The following ZFHX3 variants were observed in gnomAD, a reference collection of about 807,000 sequenced individuals.
The protein encoded by ZFHX3 is zinc finger homeobox protein 3.
Under a neutral mutation model 279.1 loss-of-function variants are expected in ZFHX3, and 42 were observed. That is an observed-to-expected ratio of 0.15 (90% confidence interval 0.12 to 0.19). The LOEUF (loss-of-function observed/expected upper bound fraction) is 0.19. Among genes scored for constraint, ZFHX3 ranks in the 10% least tolerant of loss-of-function variants. The pLI, the probability that ZFHX3 is intolerant of heterozygous loss-of-function variation, is 1.00. For synonymous variants in ZFHX3, 2,293 were observed against 1,957.8 expected (o/e 1.17, Z -4.52); for missense variants, 4,981 against 4,754.0 (o/e 1.05, Z -1.40).
At chr16:73,632,794 T>G (rs1003094421) in intron 2 of ZFHX3, among the ~76,000 whole-genome samples, 1 of 150,260 alleles carries the variant, frequency 6.7e-6, no homozygotes, top group Admixed American at 6.6e-5. Context: ...CTGACAGCTG[T>G]GGCTGGGAAC....
chr16:73,849,425 G>A (rs187038168), intron 1 of ZFHX3, among the ~76,000 whole-genome samples: 84 of 152,146 alleles, frequency 5.5e-4, no homozygotes, highest in Non-Finnish European at 1.0e-3. Context: ...GTTCTCTCCC[G>A]CTTTGCATAC....
At chr16:73,784,559 CA>C (rs1453248988) in intron 1 of ZFHX3, among the ~76,000 whole-genome samples, 3 of 151,702 alleles carry the variant, frequency 2.0e-5, no homozygotes, top group African/African-American at 7.3e-5. Flanking sequence ...CAATCCTGGC[CA>C]ACATGGTGAA....
At chr16:73,058,478 G>A (rs1965617564) in intron 1 of ZFHX3, 1 of 176,666 alleles carries the variant, frequency 5.7e-6, no homozygotes, top group Non-Finnish European at 1.1e-5. Context: ...AGGAGGAGGA[G>A]CAGGCGGCGG....
chr16:72,918,467 CA>C (rs2039498891), intron 3 of ZFHX3, among the ~76,000 whole-genome samples: 1 of 152,108 alleles, frequency 6.6e-6, no homozygotes, highest in Non-Finnish European at 1.5e-5. Context: ...TAAAAAGTCA[CA>C]AAAACCAGTA....
chr16:73,636,518 T>C (rs749531822), intron 2 of ZFHX3, among the ~76,000 whole-genome samples: 4 of 152,062 alleles, frequency 2.6e-5, no homozygotes, highest in Non-Finnish European at 5.9e-5. Context: ...CATCACAAAA[T>C]GAACTGAAAA....
At chr16:73,005,903 C>A (rs1323072002) in intron 1 of ZFHX3, 1 of 152,220 alleles carries the variant, frequency 6.6e-6, no homozygotes, top group Non-Finnish European at 1.5e-5. Flanking sequence ...TTACCAGACA[C>A]ATTTCTATTT....
intron 2 of ZFHX3, among the ~76,000 whole-genome samples, chr16:73,462,748 C>T (rs111981861): frequency 6.6e-6 from 1 of 152,146 alleles, no homozygotes; most frequent in Non-Finnish European, 1.5e-5. Context: ...ACCAGTCTTA[C>T]ATCCCTATAA....
intron 4 of ZFHX3, among the ~76,000 whole-genome samples, chr16:73,296,067 C>T (rs1281659181): frequency 1.7e-5 from 2 of 117,176 alleles, no homozygotes; most frequent in Non-Finnish European, 3.5e-5. Context: ...TCATTACAAT[C>T]CCGTGTGTGT....
At chr16:73,717,694 T>C (rs887018348) in intron 1 of ZFHX3, among the ~76,000 whole-genome samples, 1 of 152,160 alleles carries the variant, frequency 6.6e-6, no homozygotes, top group African/African-American at 2.4e-5. Flanking sequence ...TCCCCCCAGT[T>C]CCTAAACGCA....
chr16:72,944,658 T>A lies in ZFHX3; in HGVS notation c.3216+5811A>T, dbSNP rs184310170. Among the ~76,000 whole-genome samples the A allele has an allele frequency of 2.0e-5, 3 of 152,272 alleles. No individual in the cohort carries two copies. The East Asian group carries it at 5.8e-4, about 29-fold the overall frequency. ...TTTTTTATTCCTGGATTTTTCCAAA[T>A]TTTTTTACAGTGAACATGCATTACT... On this transcript the variant is annotated intron_variant, in intron 3 of 9. Transcript: ENST00000268489.
rs1333861964 is a variant in ZFHX3, at chr16:72,787,040, T to G, written c.*124A>C. 357 of 167,578 alleles carry G rather than the reference T, an allele frequency of 2.1e-3. No homozygotes were observed. The highest frequency in any genetic ancestry group is 0.013 in the Middle Eastern group (5 of 374). The allele number at this position is 167,578 out of a possible 1,614,324, so 10.4% of individuals were successfully genotyped here. A position where few individuals can be genotyped will look rare whatever the true frequency, so the allele number is the denominator to read the frequency against. ...CAACCCACGCTTTTTCTTTTTTTTC[T>G]TTTTTTTTTTTTTTTTGTTTTTTGG... On this transcript the variant is annotated 3_prime_UTR_variant, in exon 10 of 10. Transcript: ENST00000268489.
At chr16:73,314,933 G>A (rs2015407596) in intron 4 of ZFHX3, among the ~76,000 whole-genome samples, 1 of 152,190 alleles carries the variant, frequency 6.6e-6, no homozygotes, top group African/African-American at 2.4e-5. Flanking sequence ...TACAGAATAT[G>A]TAAAATAATT....
chr16:73,500,107 C>G (rs1363057652), intron 2 of ZFHX3: 1 of 152,194 alleles, frequency 6.6e-6, no homozygotes, highest in African/African-American at 2.4e-5. Flanking sequence ...AAAAATTTAA[C>G]TGTACAACAG....
In ZFHX3 at chr16:72,849,860, C is replaced by CAAAAAAAAAAAA. The variant is rs542156633; in HGVS notation, c.3449-20013_3449-20002dup. On this transcript the variant is annotated intron_variant, in intron 4 of 9. Transcript: ENST00000268489. Reference sequence around the variant, plus strand: ...TCTCTGCCACTTGGAGTTCACCTACCAAAAAAAAAAAAAAAAAAAAAAAAA... The same window carrying CAAAAAAAAAAAA: ...TCTCTGCCACTTGGAGTTCACCTACCAAAAAAAAAAAAAAAAAAAAAAAAAAAAAAAAAAAAA... 1.2e-4 allele frequency among the ~76,000 whole-genome samples: 7 copies of CAAAAAAAAAAAA among 56,564 alleles called. 1 individual carries two copies. The highest frequency in any genetic ancestry group is 3.2e-4 in the African/African-American group (4 of 12,588). 37.1% of individuals were successfully genotyped at this position (56,564 alleles called of 152,430 possible). A position where few individuals can be genotyped will look rare whatever the true frequency, so the allele number is the denominator to read the frequency against.
At chr16:73,554,526 C>G (rs890369246) in intron 2 of ZFHX3, 6 of 152,202 alleles carry the variant, frequency 3.9e-5, no homozygotes, top group Non-Finnish European at 8.8e-5. Flanking sequence ...ACTTTCCCGC[C>G]TTCTCTTTGC....
intron 1 of ZFHX3, among the ~76,000 whole-genome samples, chr16:73,869,458 GCTAA>G (rs1020781716): frequency 3.3e-5 from 5 of 152,192 alleles, no homozygotes; most frequent in Admixed American, 6.5e-5. Flanking sequence ...CAGGCAAAAG[GCTAA>G]CTGTTTATGC....
At chr16:73,528,961 A>C (rs879813758) in intron 2 of ZFHX3, among the ~76,000 whole-genome samples, 1 of 152,230 alleles carries the variant, frequency 6.6e-6, no homozygotes, top group Non-Finnish European at 1.5e-5. Context: ...ACGAATCCCC[A>C]GTTCCATAAC....
chr16:73,728,547 G>T (rs2053541384), intron 1 of ZFHX3, among the ~76,000 whole-genome samples: 1 of 152,074 alleles, frequency 6.6e-6, no homozygotes, highest in Non-Finnish European at 1.5e-5. Context: ...GTAATGTGTA[G>T]CCCGCAACTC....
At chr16:73,375,322 T>C (rs1272168929) in intron 3 of ZFHX3, among the ~76,000 whole-genome samples, 2 of 152,238 alleles carry the variant, frequency 1.3e-5, no homozygotes, top group African/African-American at 2.4e-5. Flanking sequence ...CCTTCCTTTT[T>C]GATGTGACAA....
Sources: gnomAD v4.1 joint callset for allele counts (sites outside exome capture counted in the v4.1 genomes callset) on GRCh38, gnomAD v4.1.1 for gene constraint, MANE v1.5 for transcripts, NCBI Gene and HGNC (gene_info 2026-07-23, HGNC 2026-07-21) for gene names.